Variants in EPHX4 observed in about 807,000 individuals in gnomAD.
EPHX4 encodes epoxide hydrolase 4.
In EPHX4, 31 loss-of-function variants were observed where a neutral mutation model predicts 44.9. That is an observed-to-expected ratio of 0.69 (90% CI 0.52 to 0.93). The LOEUF is 0.93. Among genes scored for constraint, EPHX4 ranks in the 40% least tolerant of loss-of-function variants. The pLI, the probability that EPHX4 is intolerant of heterozygous loss-of-function variation, is 0.00. For missense variants in EPHX4, 373 were observed against 438.1 expected (o/e 0.85, Z 1.33); for synonymous variants, 151 against 159.7 (o/e 0.95, Z 0.41).
intron 4 of EPHX4, among the ~76,000 whole-genome samples, chr1:92,048,575 C>A (rs1441158308): frequency 6.6e-6 from 1 of 151,942 alleles, no homozygotes; most frequent in Non-Finnish European, 1.5e-5. Context: ...TATAGTATAA[C>A]AATGGTATAC....
At chr1:92,046,754 G>A (rs189077818) in intron 4 of EPHX4, among the ~76,000 whole-genome samples, 46 of 152,262 alleles carry the variant, frequency 3.0e-4, no homozygotes, top group African/African-American at 1.0e-3. Context: ...GAGCCACCGC[G>A]CCCTGCCAAT....
chr1:92,034,645 CTTTT>C (rs55868882), intron 2 of EPHX4, among the ~76,000 whole-genome samples: 1 of 146,152 alleles, frequency 6.8e-6, no homozygotes, highest in Non-Finnish European at 1.5e-5. Context: ...TAAGACGCTT[CTTTT>C]TTTTTTTTTT....
chr1:92,031,754 C>T (rs1398312488), intron 1 of EPHX4, among the ~76,000 whole-genome samples: 1 of 152,108 alleles, frequency 6.6e-6, no homozygotes, highest in Non-Finnish European at 1.5e-5. Context: ...CTCTACTTTC[C>T]TCAATTCAGC....
chr1:92,052,626 T>C lies in EPHX4; in HGVS notation c.825T>C (p.Ser275=), dbSNP rs1647282169. The C allele has an allele frequency of 6.2e-7, 1 of 1,611,006 alleles. No individual in the cohort carries two copies. The highest frequency in any genetic ancestry group is 8.5e-7 in the Non-Finnish European group (1 of 1,179,252). The change falls in exon 6 of 7, where the codon AGT becomes AGC. Residue 275 remains serine (S), a synonymous_variant. Coordinates refer to ENST00000370383, the MANE Select transcript of EPHX4 (RefSeq NM_173567.5). The part of the protein sequence containing the change: ...IYVFSQPGAL[S]GPINHYRNIF... ...TCTTTTCTCAGCCTGGAGCATTAAG[T>C]GGCCCAATTAACCATTACCGAAATA...
chr1:92,062,584 CAAAAAAAAAAAAAA>C (rs1167530513), intron 6 of EPHX4, among the ~76,000 whole-genome samples: 2 of 20,090 alleles, frequency 1.0e-4, no homozygotes, highest in East Asian at 2.2e-3. Context: ...AACTCCATCT[CAAAAAAAAAAAAAA>C]AAAAAAAAAA....
chr1:92,050,704 G>T (rs958339456), intron 5 of EPHX4, among the ~76,000 whole-genome samples: 16 of 151,748 alleles, frequency 1.1e-4, no homozygotes, highest in African/African-American at 3.6e-4. Context: ...AGGTTTAATA[G>T]CAGCAGAAGT....
rs1482765775 is a variant in EPHX4, at chr1:92,045,571, G to A, written c.515G>A (p.Gly172Asp). Residue 172 changes from glycine to aspartate, a missense_variant, in exon 4 of 7, where the codon GGC becomes GAC. By Grantham distance (94) the Gly-to-Asp change is moderately conservative (BLOSUM62 -1). Transcript: ENST00000370383. Reference sequence around the variant, plus strand: ...GTTCTTATTGGCCATGACTGGGGGGGCATGATTGCTTGGCTAATTGCCATC... The same window carrying A: ...GTTCTTATTGGCCATGACTGGGGGGACATGATTGCTTGGCTAATTGCCATC... ...KCVLIGHDWG[G>D]MIAWLIAICY... is the part of the protein sequence containing the mutation. 3 of 1,613,840 alleles carry A rather than the reference G, an allele frequency of 1.9e-6. No homozygotes were observed. The highest frequency in any genetic ancestry group is 3.3e-5 in the Admixed American group (2 of 59,964).
intron 4 of EPHX4, among the ~76,000 whole-genome samples, chr1:92,046,855 C>G (rs1688589572): frequency 6.6e-6 from 1 of 152,168 alleles, no homozygotes; most frequent in Admixed American, 6.5e-5. Flanking sequence ...CTCCCTAGCA[C>G]TTTTATTGTA....
At chr1:92,056,746 G>T (rs759874455) in intron 6 of EPHX4, among the ~76,000 whole-genome samples, 1 of 151,202 alleles carries the variant, frequency 6.6e-6, no homozygotes, top group Non-Finnish European at 1.5e-5. Context: ...CTCCCAAAGT[G>T]CTGAGATTAC....
intron 2 of EPHX4, among the ~76,000 whole-genome samples, chr1:92,035,037 G>A (rs1223784502): frequency 2.0e-5 from 3 of 152,192 alleles, no homozygotes; most frequent in Non-Finnish European, 2.9e-5. Context: ...TTGAAGAAAA[G>A]AGTGGAGGAT....
chr1:92,037,375 C>T (rs910938139), intron 2 of EPHX4, among the ~76,000 whole-genome samples: 4 of 152,032 alleles, frequency 2.6e-5, no homozygotes, highest in African/African-American at 7.2e-5. Context: ...CAATAAAATC[C>T]CGGGTCTTCT....
At chr1:92,049,368 C>T (rs1647206230) in intron 4 of EPHX4, among the ~76,000 whole-genome samples, 1 of 152,118 alleles carries the variant, frequency 6.6e-6, no homozygotes, top group Non-Finnish European at 1.5e-5. Flanking sequence ...TCCCTCCACT[C>T]CACCCTACCA....
intron 6 of EPHX4, among the ~76,000 whole-genome samples, chr1:92,054,628 G>T (rs1316959638): frequency 1.3e-5 from 2 of 148,168 alleles, no homozygotes; most frequent in African/African-American, 5.0e-5. Context: ...ATTAATAGCA[G>T]TCAGAATACA....
At chr1:92,048,095 C>T (rs1056506326) in intron 4 of EPHX4, among the ~76,000 whole-genome samples, 1 of 152,164 alleles carries the variant, frequency 6.6e-6, no homozygotes, top group Non-Finnish European at 1.5e-5. Context: ...CCACATATTT[C>T]TATTTCTTCC....
At chr1:92,038,980 A>C (rs1264926237) in intron 2 of EPHX4, among the ~76,000 whole-genome samples, 1 of 152,016 alleles carries the variant, frequency 6.6e-6, no homozygotes, top group Non-Finnish European at 1.5e-5. Context: ...AGTGAAGATA[A>C]TAATAATATC....
intron 6 of EPHX4, among the ~76,000 whole-genome samples, chr1:92,059,858 G>GA (rs1241349414): frequency 1.4e-5 from 2 of 146,782 alleles, no homozygotes; most frequent in Admixed American, 6.8e-5. Context: ...CAGTAGAGAA[G>GA]TTTTTTTTTT....
intron 1 of EPHX4, 49 bp downstream of exon 1, chr1:92,030,359 G>T (rs1014222975): frequency 7.0e-6 from 10 of 1,425,418 alleles, no homozygotes; most frequent in African/African-American, 2.9e-5. Flanking sequence ...CGTGACCGCC[G>T]CGAGGGTGGG....
intron 4 of EPHX4, among the ~76,000 whole-genome samples, chr1:92,048,810 G>C (rs770523213): frequency 6.6e-6 from 1 of 151,820 alleles, no homozygotes; most frequent in African/African-American, 2.4e-5. Context: ...TGACCTCAAG[G>C]CTGGGCTCAA....
At chr1:92,056,770 C>T (rs966676638) in intron 6 of EPHX4, among the ~76,000 whole-genome samples, 28 of 151,992 alleles carry the variant, frequency 1.8e-4, no homozygotes, top group Middle Eastern at 3.4e-3. Context: ...TGTGAGCCAC[C>T]ATACCCAGCC....
Sources: allele counts gnomAD v4.1 joint callset (sites outside exome capture counted in the v4.1 genomes callset), GRCh38; gene constraint gnomAD v4.1.1; transcripts MANE v1.5; gene names NCBI Gene and HGNC (gene_info 2026-07-23, HGNC 2026-07-21).